The following CHD7 variants were observed in gnomAD, a reference collection of about 807,000 sequenced individuals.
CHD7 encodes ATP-dependent chromatin remodeler CHD7.
In CHD7, 24 loss-of-function variants were observed where a neutral mutation model predicts 307.3. The observed-to-expected ratio is 0.08, with a 90% CI of 0.06 to 0.11. The LOEUF is 0.11. CHD7 is among the 10% of genes least tolerant of loss of function. The pLI, the probability that CHD7 is intolerant of heterozygous loss-of-function variation, is 1.00. For synonymous variants in CHD7, 1,363 were observed against 1,349.9 expected (o/e 1.01, Z -0.21); for missense variants, 3,106 against 3,727.1 (o/e 0.83, Z 4.34).
At chr8:60,757,808 T>C (rs1488762854) in intron 2 of CHD7, among the ~76,000 whole-genome samples, 5 of 152,228 alleles carry the variant, frequency 3.3e-5, no homozygotes, top group Non-Finnish European at 4.4e-5. Context: ...GCATGATTAG[T>C]ATAAGAAAGA....
Position 60,867,416 on chromosome 8 carries a change from T to C in CHD7, c.*1483T>C, listed in dbSNP as rs1296942934. 6.6e-6 allele frequency: 1 copy of C among 152,254 alleles called. No homozygotes were observed. The highest frequency in any genetic ancestry group is 1.5e-5 in the Non-Finnish European group (1 of 68,050). 9.4% of individuals were successfully genotyped at this position (152,254 alleles called of 1,614,324 possible). ...CATGTGGAATTGAAACAGACCCACTTAAGCACGCACGCGCGCACGCACGGT... is the reference window on the plus strand; with the variant it reads ...CATGTGGAATTGAAACAGACCCACTCAAGCACGCACGCGCGCACGCACGGT... On this transcript the variant is annotated 3_prime_UTR_variant, in exon 38 of 38. Transcript: ENST00000423902.
At chr8:60,827,275 T>C (rs1804297301) in intron 13 of CHD7, among the ~76,000 whole-genome samples, 1 of 152,098 alleles carries the variant, frequency 6.6e-6, no homozygotes, top group Non-Finnish European at 1.5e-5. Flanking sequence ...AGGAGTTCTT[T>C]CCTTTTTTCG....
chr8:60,728,463 C>T (rs1170706827), intron 1 of CHD7, among the ~76,000 whole-genome samples: 1 of 152,086 alleles, frequency 6.6e-6, no homozygotes, highest in Non-Finnish European at 1.5e-5. Flanking sequence ...ATGGCTAATT[C>T]CACACCTATT....
chr8:60,757,813 G>A (rs1345534302), intron 2 of CHD7, among the ~76,000 whole-genome samples: 1 of 152,206 alleles, frequency 6.6e-6, no homozygotes. Context: ...ATTAGTATAA[G>A]AAAGAACACT....
At chr8:60,721,382 G>A (rs1807898405) in intron 1 of CHD7, among the ~76,000 whole-genome samples, 1 of 152,162 alleles carries the variant, frequency 6.6e-6, no homozygotes, top group Non-Finnish European at 1.5e-5. Flanking sequence ...AAGAGAAGAG[G>A]CCTCAGAATG....
chr8:60,713,039 A>G (rs1298575455), intron 1 of CHD7, among the ~76,000 whole-genome samples: 10 of 122,740 alleles, frequency 8.1e-5, no homozygotes, highest in African/African-American at 3.0e-4. Flanking sequence ...AACAGAGTGA[A>G]ACTCTGTCTC....
intron 6 of CHD7, among the ~76,000 whole-genome samples, chr8:60,807,633 A>AG (rs1812597824): frequency 1.3e-5 from 2 of 152,352 alleles, no homozygotes; most frequent in Admixed American, 6.5e-5. Flanking sequence ...CTTGTCTGAG[A>AG]GATTTTAATT....
rs773804340 is a variant in CHD7, at chr8:60,853,506, G to T, written c.6775+6G>T. On this transcript the variant is annotated splice_donor_region_variant and intron_variant, in intron 31 of 37. Transcript: ENST00000423902. Reference sequence around the variant, plus strand: ...AGAGTCTTCCCAGCCCGAAGGTAAGGCCTTACCACTGGCCCCTCTCCTGAC... The same window carrying T: ...AGAGTCTTCCCAGCCCGAAGGTAAGTCCTTACCACTGGCCCCTCTCCTGAC... 6 of 1,507,284 alleles carry T rather than the reference G, an allele frequency of 4.0e-6. No individual in the cohort carries two copies. The highest frequency in any genetic ancestry group is 5.3e-6 in the Non-Finnish European group (6 of 1,129,466). 93.4% of individuals were successfully genotyped at this position (1,507,284 alleles called of 1,614,324 possible). A position where few individuals can be genotyped will look rare whatever the true frequency, so the allele number is the denominator to read the frequency against.
chr8:60,757,710 G>T (rs1462151094), intron 2 of CHD7, among the ~76,000 whole-genome samples: 3 of 152,312 alleles, frequency 2.0e-5, no homozygotes, highest in South Asian at 2.1e-4. Flanking sequence ...AGATACCAAA[G>T]ATGACAGTGT....
rs770535723 is a variant in CHD7, at chr8:60,841,910, G to A, written c.4708G>A (p.Glu1570Lys). 1 of 1,611,510 alleles carries A rather than the reference G, an allele frequency of 6.2e-7. No individual in the cohort carries two copies. Among genetic ancestry groups the A allele is most frequent in the South Asian group, 1.1e-5 (1 of 90,566 alleles). ...GACCAGGCTCTACAGTGCAGTGAAG[G>A]AAGATGAGCTGATGGAGTTCTCAGA... is the stretch of plus-strand genomic sequence containing the variant. ...KQTRLYSAVK[E>K]DELMEFSDLE... is the part of the protein sequence containing the mutation. Residue 1570 changes from glutamate (E) to lysine (K), a missense_variant, in exon 21 of 38, where the codon GAA becomes AAA. Coordinates refer to ENST00000423902, the MANE Select transcript of CHD7 (RefSeq NM_017780.4).
intron 21 of CHD7, among the ~76,000 whole-genome samples, chr8:60,843,037 G>A (rs1586428533): frequency 6.6e-6 from 1 of 152,164 alleles, no homozygotes; most frequent in East Asian, 1.9e-4. Flanking sequence ...GCAGGCATCA[G>A]CTTGTGCTCT....
intron 2 of CHD7, among the ~76,000 whole-genome samples, chr8:60,774,508 A>G (rs993715872): frequency 6.6e-6 from 1 of 152,236 alleles, no homozygotes; most frequent in Non-Finnish European, 1.5e-5. Flanking sequence ...TAGAAGGGCC[A>G]GGCTGGGGCA....
intron 3 of CHD7, among the ~76,000 whole-genome samples, chr8:60,785,611 C>G (rs1326287846): frequency 6.6e-6 from 1 of 152,182 alleles, no homozygotes; most frequent in Admixed American, 6.5e-5. Context: ...TACTTTTACT[C>G]AGCCACCAAG....
intron 1 of CHD7, among the ~76,000 whole-genome samples, chr8:60,733,576 G>T (rs968376846): frequency 3.3e-5 from 5 of 152,182 alleles, no homozygotes; most frequent in Non-Finnish European, 5.9e-5. Context: ...GAATTGCAGG[G>T]TGTAAAGGAC....
intron 15 of CHD7, among the ~76,000 whole-genome samples, chr8:60,835,588 A>G (rs752042740): frequency 3.3e-5 from 5 of 152,242 alleles, no homozygotes; most frequent in South Asian, 2.1e-4. Context: ...TTAATATGCA[A>G]TTATAGACCC....
At chr8:60,751,619 AAGTC>A (rs1179000348) in intron 2 of CHD7, among the ~76,000 whole-genome samples, 1 of 152,246 alleles carries the variant, frequency 6.6e-6, no homozygotes, top group African/African-American at 2.4e-5. Flanking sequence ...TCAGTGAAGA[AAGTC>A]AGTAGCAAAC....
chr8:60,811,504 C>A (rs544938819), intron 7 of CHD7, among the ~76,000 whole-genome samples: 2 of 152,210 alleles, frequency 1.3e-5, no homozygotes, highest in East Asian at 3.9e-4. Flanking sequence ...CATAGGGGTC[C>A]TCCTCATTCT....
intron 2 of CHD7, among the ~76,000 whole-genome samples, chr8:60,763,264 T>C (rs144910926): frequency 6.6e-5 from 10 of 152,310 alleles, no homozygotes; most frequent in African/African-American, 2.4e-4. Context: ...AGAGAAATAC[T>C]GATGAGATAT....
chr8:60,759,482 T>TCTCTCCCTCTCC (rs145962670), intron 2 of CHD7, among the ~76,000 whole-genome samples: 16 of 143,760 alleles, frequency 1.1e-4, no homozygotes, highest in African/African-American at 3.6e-4. Flanking sequence ...CCTCTCTCCC[T>TCTCTCCCTCTCC]CTCTCCCTCT....
Sources: gnomAD v4.1 joint callset for allele counts (sites outside exome capture counted in the v4.1 genomes callset) on GRCh38, gnomAD v4.1.1 for gene constraint, MANE v1.5 for transcripts, NCBI Gene and HGNC (gene_info 2026-07-23, HGNC 2026-07-21) for gene names.